The following PAM variants were observed in gnomAD, a reference collection of about 807,000 sequenced individuals.
PAM encodes peptidyl-glycine alpha-amidating monooxygenase.
Under a neutral mutation model 122.1 loss-of-function variants are expected in PAM, and 72 were observed. The ratio of observed to expected loss-of-function variants is 0.59; its 90% CI spans 0.49 to 0.72. The LOEUF is 0.72. Among genes scored for constraint, PAM ranks in the 30% least tolerant of loss-of-function variants. The pLI, the probability that PAM is intolerant of heterozygous loss-of-function variation, is 0.00. For synonymous variants in PAM, 389 were observed against 404.4 expected, an observed-to-expected ratio of 0.96 and a Z score of 0.46; for missense variants, 1,106 against 1,183.7, an observed-to-expected ratio of 0.93 and a Z score of 0.96.
At chr5:102,762,878 T>C (rs466235) in intron 1 of PAM, among the ~76,000 whole-genome samples, 69,092 of 152,042 alleles carry the variant, frequency 0.45, 15,966 homozygotes, top group African/African-American at 0.52. Context: ...GTGAAATGCC[T>C]TTAAAACATT....
chr5:102,998,152 A>ACTTT (rs1300668073), intron 16 of PAM, among the ~76,000 whole-genome samples: 1 of 152,198 alleles, frequency 6.6e-6, no homozygotes, highest in Non-Finnish European at 1.5e-5. Flanking sequence ...AAACCTTTTT[A>ACTTT]CTTTCTCCTC....
At chr5:102,981,789 CAT>C (rs1296996166) in intron 15 of PAM, among the ~76,000 whole-genome samples, 2 of 152,150 alleles carry the variant, frequency 1.3e-5, no homozygotes, top group African/African-American at 2.4e-5. Flanking sequence ...TTGACAACTA[CAT>C]GAGAGAAGAA....
chr5:102,964,861 G>A (rs1447457592), intron 14 of PAM, among the ~76,000 whole-genome samples: 1 of 151,686 alleles, frequency 6.6e-6, no homozygotes, highest in Non-Finnish European at 1.5e-5. Flanking sequence ...TTTAATGGCT[G>A]CATAATACGT....
chr5:103,024,981 G>T (rs542389299), intron 23 of PAM, 150 bp from the exon 24 acceptor site: 231 of 590,604 alleles, frequency 3.9e-4, no homozygotes, highest in Non-Finnish European at 5.4e-4. Flanking sequence ...TGCCAGTTTG[G>T]TAGATTCAGG....
chr5:102,882,667 G>A (rs1224892653), intron 3 of PAM, among the ~76,000 whole-genome samples: 18 of 152,088 alleles, frequency 1.2e-4, no homozygotes, highest in African/African-American at 4.1e-4. Context: ...CACCCTGTGG[G>A]TTGTCTGTTT....
At chr5:102,915,188 G>C (rs550432248) in intron 5 of PAM, among the ~76,000 whole-genome samples, 1 of 152,090 alleles carries the variant, frequency 6.6e-6, no homozygotes, top group Non-Finnish European at 1.5e-5. Flanking sequence ...TGAGGAATCT[G>C]TTTTGAGGTC....
intron 4 of PAM, among the ~76,000 whole-genome samples, chr5:102,910,269 A>G (rs892911412): frequency 6.6e-6 from 1 of 151,846 alleles, no homozygotes; most frequent in Non-Finnish European, 1.5e-5. Flanking sequence ...CAATGAGGAG[A>G]AATTTTGCTT....
chr5:102,885,258 T>C (rs952932535), intron 3 of PAM, among the ~76,000 whole-genome samples: 4 of 151,950 alleles, frequency 2.6e-5, no homozygotes, highest in Non-Finnish European at 5.9e-5. Context: ...AATTATTTCA[T>C]GTGGTAAGCT....
At chr5:102,953,869 C>T (rs865867947) in intron 12 of PAM, among the ~76,000 whole-genome samples, 1 of 151,922 alleles carries the variant, frequency 6.6e-6, no homozygotes, top group South Asian at 2.1e-4. Context: ...AAAAATTAGT[C>T]GGGCATGATG....
intron 1 of PAM, among the ~76,000 whole-genome samples, chr5:102,845,872 A>C (rs899810005): frequency 5.3e-5 from 8 of 152,154 alleles, no homozygotes; most frequent in Non-Finnish European, 1.0e-4. Context: ...TGAAGTGTGA[A>C]ATTATGTGGT....
intron 1 of PAM, among the ~76,000 whole-genome samples, chr5:102,769,534 G>T (rs893342473): frequency 1.3e-5 from 2 of 152,042 alleles, no homozygotes; most frequent in African/African-American, 4.8e-5. Flanking sequence ...TTTGTATATG[G>T]TAAGAGATAC....
At chr5:102,956,665 ATTTCATATTCTTCTCCATAAT>A (rs1760846216) in intron 12 of PAM, among the ~76,000 whole-genome samples, 1 of 151,828 alleles carries the variant, frequency 6.6e-6, no homozygotes, top group African/African-American at 2.4e-5. Context: ...CCACCTTTTT[ATTTCATATTCTTCTCCATAAT>A]TACGATCTAT....
intron 15 of PAM, among the ~76,000 whole-genome samples, chr5:102,979,679 C>T (rs1769073462): frequency 6.6e-6 from 1 of 152,016 alleles, no homozygotes; most frequent in Non-Finnish European, 1.5e-5. Context: ...CTTTCAAATA[C>T]TTATTAATAA....
intron 4 of PAM, among the ~76,000 whole-genome samples, chr5:102,903,341 G>C (rs1460805793): frequency 1.3e-5 from 2 of 151,532 alleles, no homozygotes; most frequent in Admixed American, 6.6e-5. Flanking sequence ...AACCAAAGAA[G>C]TTTAAGTATA....
intron 3 of PAM, among the ~76,000 whole-genome samples, chr5:102,897,369 C>G (rs1581455169): frequency 1.3e-5 from 2 of 151,654 alleles, no homozygotes; most frequent in South Asian, 4.1e-4. Context: ...GATGTTTCCA[C>G]TGGTTCTGGG....
At position 102,974,028 on chromosome 5, in the gene PAM, G is replaced by T. The variant is rs543430435; in HGVS notation, c.1163-88G>T. 1.3e-5 allele frequency: 10 copies of T among 789,994 alleles called. No homozygotes were observed. The South Asian group carries it at 1.7e-4, about 13-fold the overall frequency. 48.9% of individuals were successfully genotyped at this position (789,994 alleles called of 1,614,324 possible). A position where few individuals can be genotyped will look rare whatever the true frequency, so the allele number is the denominator to read the frequency against. ...TTCTCTCTTATTTATTATGAGAAAT[G>T]AGTAGATATTTTTTAAAGCACCAAA... is the stretch of plus-strand genomic sequence containing the variant. On this transcript the variant is annotated intron_variant, in intron 14 of 25. Transcript: ENST00000438793.
chr5:102,965,449 G>T (rs1318905081), intron 14 of PAM, among the ~76,000 whole-genome samples: 2 of 151,544 alleles, frequency 1.3e-5, no homozygotes, highest in Admixed American at 6.6e-5. Context: ...AATATTCAAA[G>T]TCTAGATGTA....
At chr5:102,879,512 A>G (rs1344749575) in intron 3 of PAM, among the ~76,000 whole-genome samples, 1 of 152,092 alleles carries the variant, frequency 6.6e-6, no homozygotes, top group Non-Finnish European at 1.5e-5. Flanking sequence ...TTGTTGTTCC[A>G]GTGACAGTAA....
chr5:102,780,749 C>G (rs570219886), intron 1 of PAM, among the ~76,000 whole-genome samples: 50 of 149,372 alleles, frequency 3.3e-4, no homozygotes, highest in African/African-American at 1.2e-3. Flanking sequence ...CTTTTTCTTT[C>G]TTTCTCTTTC....
Sources: gnomAD v4.1 joint callset for allele counts (sites outside exome capture counted in the v4.1 genomes callset) on GRCh38, gnomAD v4.1.1 for gene constraint, MANE v1.5 for transcripts, NCBI Gene and HGNC (gene_info 2026-07-23, HGNC 2026-07-21) for gene names.